ART3: variants seen among roughly 807,000 people sequenced by gnomAD.
The protein encoded by ART3 is ecto-ADP-ribosyltransferase 3.
A neutral mutation model predicts 48.5 loss-of-function variants in ART3; 49 were observed. That is an observed-to-expected ratio of 1.01 (90% confidence interval 0.80 to 1.28). The LOEUF (loss-of-function observed/expected upper bound fraction) is 1.28, where lower values mean the gene tolerates loss of function less well. Among genes scored for constraint, ART3 ranks in the 50% most tolerant of loss-of-function variants. ART3 has a pLI of 0.00. For missense variants in ART3, 438 were observed against 454.3 expected, an observed-to-expected ratio of 0.96 and a Z score of 0.33; for synonymous variants, 145 against 157.2, an observed-to-expected ratio of 0.92 and a Z score of 0.58.
intron 11 of ART3, 143 bp from the exon 12 acceptor site, chr4:76,112,243 A>G (rs1729634434): frequency 2.9e-6 from 3 of 1,018,110 alleles, no homozygotes; most frequent in Non-Finnish European, 4.2e-6. Context: ...CTTATTTGAA[A>G]ATTGCTTTTG....
chr4:76,013,266 G>A (rs884002), intron 1 of ART3, among the ~76,000 whole-genome samples: 21,600 of 152,190 alleles, frequency 0.14, 2,032 homozygotes, highest in East Asian at 0.38. Context: ...CCAAATTTGA[G>A]AACCTGCAAG....
chr4:76,064,270 T>C (rs1402267556), intron 1 of ART3, among the ~76,000 whole-genome samples: 1 of 152,072 alleles, frequency 6.6e-6, no homozygotes, highest in East Asian at 1.9e-4. Context: ...TGATCACCAC[T>C]ACCATCACCA....
chr4:76,109,236 T>G (rs1269073230), intron 11 of ART3, among the ~76,000 whole-genome samples: 2 of 132,638 alleles, frequency 1.5e-5, no homozygotes, highest in Non-Finnish European at 3.3e-5. Context: ...TATAAAGCTT[T>G]TTTATCACCT....
At chr4:76,106,248 C>G in intron 10 of ART3, 1 of 985,338 alleles carries the variant, frequency 1.0e-6, no homozygotes, top group Non-Finnish European at 1.2e-6. Flanking sequence ...ATCCTGGGCA[C>G]CTAGAATTGG....
chr4:76,038,515 A>G (rs970523409), intron 1 of ART3, among the ~76,000 whole-genome samples: 6 of 152,182 alleles, frequency 3.9e-5, no homozygotes, highest in African/African-American at 1.4e-4. Flanking sequence ...ATGTAAAGAA[A>G]GACTAATTTT....
intron 1 of ART3, among the ~76,000 whole-genome samples, chr4:76,044,968 A>C (rs927764115): frequency 2.0e-5 from 3 of 152,058 alleles, no homozygotes; most frequent in African/African-American, 7.2e-5. Flanking sequence ...CAGCATGGGC[A>C]TGTAGGATTA....
At chr4:76,052,948 C>G (rs541288391) in intron 1 of ART3, among the ~76,000 whole-genome samples, 355 of 152,202 alleles carry the variant, frequency 2.3e-3, no homozygotes, top group African/African-American at 8.3e-3. Context: ...AGGCTGGTCT[C>G]AAACTCCTGG....
intron 1 of ART3, among the ~76,000 whole-genome samples, chr4:76,064,692 G>A (rs944156538): frequency 6.6e-6 from 1 of 152,148 alleles, no homozygotes; most frequent in Non-Finnish European, 1.5e-5. Context: ...GAGGTGAAGG[G>A]AAGGGTAACA....
chr4:76,098,932 A>G lies in ART3; in HGVS notation c.815-23A>G, dbSNP rs532259716. The G allele has an allele frequency of 7.4e-5, 118 of 1,590,696 alleles. 1 individual carries two copies. The South Asian group carries it at 1.2e-3, about 16-fold the overall frequency. On this transcript the variant is annotated intron_variant, in intron 4 of 11. Coordinates refer to ENST00000355810, the MANE Select transcript of ART3 (RefSeq NM_001130016.3). ...TCACATCTGAGCATAGTACCATGTA[A>G]TGAAAACATGTCTGTATTTCAGAAT...
chr4:76,099,570 C>T (rs1390446253), intron 5 of ART3: 1 of 159,134 alleles, frequency 6.3e-6, no homozygotes, highest in Non-Finnish European at 1.4e-5. Context: ...GTTATGAGGG[C>T]TTCTTAGGTA....
rs144359817 is a variant in ART3 at position 76,098,849 on chromosome 4, A to G, written c.815-106A>G. 5.6e-4 allele frequency: 522 copies of G among 933,216 alleles called. 1 individual carries two copies. The highest frequency in any genetic ancestry group is 7.1e-4 in the Non-Finnish European group (442 of 621,210). 57.8% of individuals were successfully genotyped at this position (933,216 alleles called of 1,614,324 possible). A position where few individuals can be genotyped will look rare whatever the true frequency, so the allele number is the denominator to read the frequency against. On this transcript the variant is annotated intron_variant, in intron 4 of 11. Transcript: ENST00000355810. ...AACTGTATTTTTATGTTTCTTAAAT[A>G]TAAGCCAACACAATCTTTATTTTTA...
intron 1 of ART3, among the ~76,000 whole-genome samples, chr4:76,067,993 G>T (rs79001042): frequency 0.011 from 1,733 of 152,150 alleles, 31 homozygotes; most frequent in African/African-American, 0.039. Context: ...ACAACCCTAG[G>T]CTCCTTTGAC....
chr4:76,063,790 T>C (rs1289547637), intron 1 of ART3, among the ~76,000 whole-genome samples: 2 of 152,212 alleles, frequency 1.3e-5, no homozygotes, highest in Non-Finnish European at 1.5e-5. Flanking sequence ...GCACTAAACA[T>C]TGAATTTATA....
intron 3 of ART3, among the ~76,000 whole-genome samples, chr4:76,085,356 G>A (rs1723331012): frequency 6.6e-6 from 1 of 152,188 alleles, no homozygotes; most frequent in South Asian, 2.1e-4. Context: ...AGACATTGAT[G>A]TCTGGGTAGG....
intron 1 of ART3, chr4:76,022,706 G>A (rs200829450): frequency 6.2e-7 from 1 of 1,613,746 alleles, no homozygotes; most frequent in East Asian, 2.2e-5. Flanking sequence ...CTCAACACGT[G>A]GACAAAATTG....
At chr4:76,036,127 T>G (rs972301249) in intron 1 of ART3, 11 of 670,600 alleles carry the variant, frequency 1.6e-5, no homozygotes, top group African/African-American at 3.7e-5. Context: ...AGCAATCCTT[T>G]TATGGCACAG....
chr4:76,069,719 C>T (rs1370650404), upstream of ART3, among the ~76,000 whole-genome samples: 1 of 151,956 alleles, frequency 6.6e-6, no homozygotes, highest in African/African-American at 2.4e-5. Flanking sequence ...GAATAATATT[C>T]CAGTGTGTGG....
rs1230397376 is a variant in ART3, at chr4:76,100,333, T to C, written c.877+13T>C. ...CTTGAAGACCATAGTAAGACATTTT[T>C]ATAAATTCTGGGGGCTTGGCCAGGC... On this transcript the variant is annotated intron_variant, in intron 6 of 11. Coordinates refer to ENST00000355810, the MANE Select transcript of ART3 (RefSeq NM_001130016.3). 6.2e-7 allele frequency: 1 copy of C among 1,612,208 alleles called. No individual in the cohort carries two copies. Among genetic ancestry groups the C allele is most frequent in the Admixed American group, 1.7e-5 (1 of 59,922 alleles).
At chr4:76,032,920 A>G (rs1422302074) in intron 1 of ART3, among the ~76,000 whole-genome samples, 1 of 152,008 alleles carries the variant, frequency 6.6e-6, no homozygotes, top group East Asian at 1.9e-4. Context: ...GGGAATTTAT[A>G]TGGAAGTCCC....
Sources: allele counts gnomAD v4.1 joint callset (sites outside exome capture counted in the v4.1 genomes callset), GRCh38; gene constraint gnomAD v4.1.1; transcripts MANE v1.5; gene names NCBI Gene and HGNC (gene_info 2026-07-23, HGNC 2026-07-21).